The following COL24A1 variants were observed in gnomAD, a reference collection of about 807,000 sequenced individuals.
COL24A1 encodes the protein collagen alpha-1(XXIV) chain.
In COL24A1, 224 loss-of-function variants were observed where a neutral mutation model predicts 253.9. The observed-to-expected ratio is 0.88, with a 90% CI of 0.79 to 0.99. The LOEUF is 0.99. Among genes scored for constraint, COL24A1 ranks in the 50% least tolerant of loss-of-function variants. The pLI, the probability that COL24A1 is intolerant of heterozygous loss-of-function variation, is 0.00. For synonymous variants in COL24A1, 685 were observed against 673.7 expected, an observed-to-expected ratio of 1.02 and a Z score of -0.26; for missense variants, 2,131 against 2,068.5, an observed-to-expected ratio of 1.03 and a Z score of -0.59.
chr1:85,736,302 A>G (rs1445432735), intron 58 of COL24A1: 1 of 456,246 alleles, frequency 2.2e-6, no homozygotes, highest in East Asian at 7.0e-5. Context: ...TATGAATCAA[A>G]GAAATTAGAG....
chr1:85,903,121 A>G (rs1684486683), intron 28 of COL24A1, among the ~76,000 whole-genome samples: 1 of 152,236 alleles, frequency 6.6e-6, no homozygotes, highest in African/African-American at 2.4e-5. Flanking sequence ...TCATTTTATA[A>G]GTCAAGACAA....
In COL24A1 at chr1:85,997,055, G is replaced by GTATATA. The variant is rs59071699; in HGVS notation, c.2311-9407_2311-9402dup. ...TATATATATATATGTGTGTGTGTGTGTATATATATATATATATATATATAT... is the reference window on the plus strand; with the variant it reads ...TATATATATATATGTGTGTGTGTGTGTATATATATATATATATATATATATATATAT... On this transcript the variant is annotated intron_variant, in intron 19 of 59. Transcript: ENST00000370571. Among the ~76,000 whole-genome samples the GTATATA allele has an allele frequency of 4.3e-3, 411 of 95,110 alleles. 8 individuals are homozygous for GTATATA. Among genetic ancestry groups the GTATATA allele is most frequent in the Non-Finnish European group, 4.6e-3 (190 of 40,876 alleles). The allele number at this position is 95,110 out of a possible 152,430, so 62.4% of individuals were successfully genotyped here. A position where few individuals can be genotyped will look rare whatever the true frequency, so the allele number is the denominator to read the frequency against.
intron 45 of COL24A1, 97 bp downstream of exon 45, chr1:85,823,439 G>T: frequency 8.7e-7 from 1 of 1,145,524 alleles, no homozygotes; most frequent in South Asian, 1.3e-5. Context: ...AGTGATAAAT[G>T]ATAATTTGAA....
intron 37 of COL24A1, among the ~76,000 whole-genome samples, chr1:85,861,414 T>C (rs1206496107): frequency 6.6e-6 from 1 of 152,188 alleles, no homozygotes; most frequent in Non-Finnish European, 1.5e-5. Context: ...GTTGATCTTT[T>C]ACTTTCTTGA....
intron 55 of COL24A1, among the ~76,000 whole-genome samples, chr1:85,746,129 A>C (rs1431630392): frequency 1.3e-5 from 2 of 152,208 alleles, no homozygotes; most frequent in African/African-American, 4.8e-5. Context: ...CTTTTAAAAA[A>C]ATTATCTTAG....
Position 85,868,800 on chromosome 1 carries a change from C to A in COL24A1, c.3174G>T (p.Gln1058His). The A allele has an allele frequency of 6.3e-7, 1 of 1,588,222 alleles. No homozygotes were observed. Among genetic ancestry groups the A allele is most frequent in the Non-Finnish European group, 8.6e-7 (1 of 1,168,172 alleles). Residue 1058 changes from glutamine (Q) to histidine (H), a missense_variant, in exon 36 of 60, where the codon CAG becomes CAT. Transcript: ENST00000370571. ...EPGAPGEEGLQGKDGLKGVPG... is the reference protein window; with the variant it reads ...EPGAPGEEGLHGKDGLKGVPG... ...AATTTACCTTTAACCCATCTTTTCCCTGGAGACCTTCTTCTCCAGGAGCTC... is the reference window on the plus strand; with the variant it reads ...AATTTACCTTTAACCCATCTTTTCCATGGAGACCTTCTTCTCCAGGAGCTC...
Position 85,978,762 on chromosome 1 carries a change from T to C in COL24A1, c.2365-7369A>G, listed in dbSNP as rs191761878. On this transcript the variant is annotated intron_variant, in intron 20 of 59. Coordinates refer to ENST00000370571, the MANE Select transcript of COL24A1 (RefSeq NM_152890.7). The stretch of plus-strand genomic sequence containing the variant: ...ATAGTGGGGGATGTTGATACTCTAC[T>C]GACAGCACTAGGCAGGTCGTCAAGA... Among the ~76,000 whole-genome samples the C allele has an allele frequency of 3.7e-4, 56 of 152,302 alleles. 1 individual carries two copies. Among genetic ancestry groups the C allele is most frequent in the Non-Finnish European group, 2.4e-4 (16 of 68,000 alleles).
intron 24 of COL24A1, among the ~76,000 whole-genome samples, chr1:85,918,909 CT>C (rs1686177691): frequency 6.6e-6 from 1 of 152,190 alleles, no homozygotes; most frequent in African/African-American, 2.4e-5. Context: ...TTATACCTCC[CT>C]ATGCTACTGA....
chr1:85,926,842 A>G (rs1687306539), intron 24 of COL24A1, among the ~76,000 whole-genome samples: 2 of 151,994 alleles, frequency 1.3e-5, no homozygotes, highest in South Asian at 4.1e-4. Flanking sequence ...AATAATAAAA[A>G]GAGTCAAAAA....
At chr1:85,974,683 A>C (rs1692491043) in intron 20 of COL24A1, among the ~76,000 whole-genome samples, 1 of 152,100 alleles carries the variant, frequency 6.6e-6, no homozygotes, top group Non-Finnish European at 1.5e-5. Flanking sequence ...TAATATCCTT[A>C]ATAGGGTTTG....
At position 86,055,017 on chromosome 1, in the gene COL24A1, T is replaced by C. The variant is rs2101714009; in HGVS notation, c.1851+2914A>G. ...CAACATGGATGCAGATGGAGGCCAT[T>C]ATCCTAAGCAAATTAACACAGAAAC... On this transcript the variant is annotated intron_variant, in intron 10 of 59. Coordinates refer to ENST00000370571, the MANE Select transcript of COL24A1 (RefSeq NM_152890.7). Among the ~76,000 whole-genome samples, 2 of 152,234 alleles carry C rather than the reference T, an allele frequency of 1.3e-5. 1 individual carries two copies. The highest frequency in any genetic ancestry group is 1.3e-4 in the Admixed American group (2 of 15,290).
At chr1:85,813,793 C>T (rs1307949221) in intron 47 of COL24A1, among the ~76,000 whole-genome samples, 3 of 151,826 alleles carry the variant, frequency 2.0e-5, no homozygotes, top group African/African-American at 7.3e-5. Context: ...CCTCGTGATC[C>T]GCCCGCCTCG....
chr1:86,137,880 G>A (rs1298451902), intron 2 of COL24A1, among the ~76,000 whole-genome samples: 1 of 152,096 alleles, frequency 6.6e-6, no homozygotes, highest in Non-Finnish European at 1.5e-5. Flanking sequence ...CACACAAGCA[G>A]GCAGAACAAT....
chr1:85,794,433 G>A (rs1670612814), intron 47 of COL24A1, among the ~76,000 whole-genome samples: 2 of 152,068 alleles, frequency 1.3e-5, no homozygotes. Context: ...TTGTCATTAG[G>A]GTTAACTGTA....
At chr1:85,891,022 C>T (rs978775906) in intron 31 of COL24A1, among the ~76,000 whole-genome samples, 1 of 151,928 alleles carries the variant, frequency 6.6e-6, no homozygotes, top group African/African-American at 2.4e-5. Context: ...CAATACATAA[C>T]ATGTTGATCC....
chr1:86,074,765 C>A (rs1159017993), intron 7 of COL24A1, among the ~76,000 whole-genome samples: 1 of 152,056 alleles, frequency 6.6e-6, no homozygotes, highest in Non-Finnish European at 1.5e-5. Flanking sequence ...GTCTCTCAGA[C>A]TACATGGAAA....
At chr1:85,976,941 C>T (rs1245809742) in intron 20 of COL24A1, among the ~76,000 whole-genome samples, 1 of 152,214 alleles carries the variant, frequency 6.6e-6, no homozygotes, top group East Asian at 1.9e-4. Context: ...TGAAACGTAT[C>T]TACAACCAAG....
intron 43 of COL24A1, among the ~76,000 whole-genome samples, chr1:85,830,197 C>T (rs796861236): frequency 9.9e-5 from 15 of 152,100 alleles, no homozygotes; most frequent in Admixed American, 7.2e-4. Context: ...AGGTGTCAGT[C>T]TGCCCCTGCT....
At chr1:85,994,208 A>G (rs1171071430) in intron 19 of COL24A1, among the ~76,000 whole-genome samples, 1 of 152,034 alleles carries the variant, frequency 6.6e-6, no homozygotes, top group African/African-American at 2.4e-5. Flanking sequence ...GCTAAAAGAT[A>G]AAATTAATAA....
Sources: allele counts gnomAD v4.1 joint callset (sites outside exome capture counted in the v4.1 genomes callset), GRCh38; gene constraint gnomAD v4.1.1; transcripts MANE v1.5; gene names NCBI Gene and HGNC (gene_info 2026-07-23, HGNC 2026-07-21).